The following SUPT3H variants were observed in gnomAD, a reference collection of about 807,000 sequenced individuals.
SUPT3H encodes transcription initiation protein SPT3 homolog.
In SUPT3H, 44 loss-of-function variants were observed where a neutral mutation model predicts 44.3. The observed-to-expected ratio is 0.99, with a 90% CI of 0.78 to 1.28. The LOEUF is 1.28. SUPT3H is among the 50% of genes most tolerant of loss of function. The pLI is 0.00. For missense variants in SUPT3H, 380 were observed against 387.1 expected (o/e 0.98, Z 0.15); for synonymous variants, 124 against 125.6 (o/e 0.99, Z 0.09).
downstream of SUPT3H, among the ~76,000 whole-genome samples, chr6:44,826,563 T>G (rs1348889272): frequency 6.6e-6 from 1 of 152,188 alleles, no homozygotes; most frequent in Non-Finnish European, 1.5e-5. Context: ...CCTGGAAAGG[T>G]TCTATCCAAA....
At chr6:45,358,838 A>G (rs1793722168) in intron 2 of SUPT3H, among the ~76,000 whole-genome samples, 1 of 152,184 alleles carries the variant, frequency 6.6e-6, no homozygotes, top group South Asian at 2.1e-4. Flanking sequence ...ATAAAAAAAG[A>G]CTATAAATAG....
At chr6:44,969,602 A>G (rs1200265172) in intron 6 of SUPT3H, among the ~76,000 whole-genome samples, 1 of 152,194 alleles carries the variant, frequency 6.6e-6, no homozygotes, top group Non-Finnish European at 1.5e-5. Flanking sequence ...TTTTAGAAAA[A>G]AAATCAAAAA....
intron 2 of SUPT3H, among the ~76,000 whole-genome samples, chr6:45,193,202 T>A (rs115307802): frequency 2.0e-5 from 3 of 152,110 alleles, no homozygotes; most frequent in Non-Finnish European, 4.4e-5. Flanking sequence ...GAATAACACA[T>A]GTACACCAAA....
At chr6:45,300,673 G>T (rs549525927) in intron 2 of SUPT3H, among the ~76,000 whole-genome samples, 4 of 152,156 alleles carry the variant, frequency 2.6e-5, no homozygotes, top group Non-Finnish European at 5.9e-5. Context: ...AGAGATAGTG[G>T]TGACAGTTGC....
At chr6:45,326,663 T>A (rs12201555) in intron 2 of SUPT3H, among the ~76,000 whole-genome samples, 34,505 of 151,894 alleles carry the variant, frequency 0.23, 4,602 homozygotes, top group Non-Finnish European at 0.31. Context: ...ACCCTACCAG[T>A]GTATTTTGGG....
chr6:44,976,364 C>CTTTTTTTTTTTTTTTTT (rs34713610), intron 6 of SUPT3H, among the ~76,000 whole-genome samples: 1 of 147,386 alleles, frequency 6.8e-6, no homozygotes. Context: ...AAATTAATGT[C>CTTTTTTTTTTTTTTTTT]TTTTTTTTTT....
intron 3 of SUPT3H, among the ~76,000 whole-genome samples, chr6:45,097,153 G>A (rs775068321): frequency 2.0e-5 from 3 of 152,158 alleles, no homozygotes; most frequent in Non-Finnish European, 4.4e-5. Flanking sequence ...AATCAAAAAG[G>A]AACTGTTCTG....
chr6:44,952,595 C>T (rs1386656417), intron 9 of SUPT3H, among the ~76,000 whole-genome samples: 1 of 152,238 alleles, frequency 6.6e-6, no homozygotes, highest in Middle Eastern at 3.4e-3. Context: ...TATGGATATT[C>T]GATTGAATTA....
chr6:45,246,702 A>T (rs184369192), intron 2 of SUPT3H, among the ~76,000 whole-genome samples: 1 of 152,318 alleles, frequency 6.6e-6, no homozygotes, highest in Admixed American at 6.5e-5. Context: ...CCCCCAAGTA[A>T]TCAGAAATTG....
chr6:45,055,014 TA>T (rs1053206035), intron 3 of SUPT3H, among the ~76,000 whole-genome samples: 32 of 151,622 alleles, frequency 2.1e-4, no homozygotes, highest in Non-Finnish European at 3.7e-4. Flanking sequence ...ACTATTAAAT[TA>T]AAAAAAATTA....
intron 10 of SUPT3H, among the ~76,000 whole-genome samples, chr6:44,930,926 T>G (rs1011266577): frequency 6.6e-6 from 1 of 151,564 alleles, no homozygotes; most frequent in African/African-American, 2.4e-5. Flanking sequence ...TATCATATAC[T>G]AATACTAACA....
chr6:45,006,145 TC>T (rs1278706937), intron 5 of SUPT3H, among the ~76,000 whole-genome samples: 1 of 152,098 alleles, frequency 6.6e-6, no homozygotes, highest in African/African-American at 2.4e-5. Flanking sequence ...TATTGCCACT[TC>T]CGCTTTCTTT....
chr6:44,949,422 G>C (rs1411391270), intron 9 of SUPT3H, among the ~76,000 whole-genome samples: 1 of 151,238 alleles, frequency 6.6e-6, no homozygotes, highest in Non-Finnish European at 1.5e-5. Flanking sequence ...ATAAATGCAA[G>C]CGGAATATTG....
At position 45,343,736 on chromosome 6, in the gene SUPT3H, G is replaced by GT. The variant is rs572767615; in HGVS notation, c.101+21464dup. 1.7e-4 allele frequency among the ~76,000 whole-genome samples: 26 copies of GT among 152,304 alleles called. No homozygotes were observed. The South Asian group carries it at 5.4e-3, about 32-fold the overall frequency. On this transcript the variant is annotated intron_variant, in intron 2 of 10. Transcript: ENST00000371459. Reference sequence around the variant, plus strand: ...GATGAAGTTTAAAAATGGTGTCTCTGTCCCATGTTCCTGAGACAGCTATCC... The same window carrying GT: ...GATGAAGTTTAAAAATGGTGTCTCTGTTCCCATGTTCCTGAGACAGCTATCC...
At chr6:45,305,449 C>A (rs1782845903) in intron 2 of SUPT3H, among the ~76,000 whole-genome samples, 1 of 152,178 alleles carries the variant, frequency 6.6e-6, no homozygotes, top group Non-Finnish European at 1.5e-5. Context: ...CTAGATTATT[C>A]TAATAACATT....
intron 2 of SUPT3H, among the ~76,000 whole-genome samples, chr6:45,354,909 G>A (rs911911138): frequency 1.3e-5 from 2 of 152,098 alleles, no homozygotes. Flanking sequence ...TGGGCTTTTG[G>A]TATTTTTTAA....
chr6:45,012,986 C>A (rs1783718853), intron 5 of SUPT3H, among the ~76,000 whole-genome samples: 1 of 152,038 alleles, frequency 6.6e-6, no homozygotes, highest in African/African-American at 2.4e-5. Flanking sequence ...TGGCTGTTAC[C>A]TTCCCTGATC....
chr6:45,339,902 T>C (rs1789408656), intron 2 of SUPT3H, among the ~76,000 whole-genome samples: 1 of 152,192 alleles, frequency 6.6e-6, no homozygotes, highest in Non-Finnish European at 1.5e-5. Flanking sequence ...GGTACTATGC[T>C]AAGCCATTTA....
intron 2 of SUPT3H, among the ~76,000 whole-genome samples, chr6:45,247,522 T>TA (rs904489880): frequency 3.3e-5 from 5 of 152,054 alleles, no homozygotes; most frequent in South Asian, 2.1e-4. Flanking sequence ...CAACCCTTAA[T>TA]AAAAAAACTC....
Sources: allele counts gnomAD v4.1 joint callset (sites outside exome capture counted in the v4.1 genomes callset), GRCh38; gene constraint gnomAD v4.1.1; transcripts MANE v1.5; gene names NCBI Gene and HGNC (gene_info 2026-07-23, HGNC 2026-07-21).